The following C12orf56 variants were observed in gnomAD, a reference collection of about 807,000 sequenced individuals.
C12orf56 encodes the protein chromosome 12 open reading frame 56, also known as uncharacterized protein C12orf56.
C12orf56 carries 71 observed loss-of-function variants against 69.9 expected under a neutral mutation model. The ratio of observed to expected loss-of-function variants is 1.02; its 90% CI spans 0.84 to 1.24. The LOEUF (loss-of-function observed/expected upper bound fraction) is 1.24, where lower values mean the gene tolerates loss of function less well. Ranked by LOEUF, C12orf56 falls within the 50% of genes most tolerant of loss-of-function variation. The pLI is 0.00. For synonymous variants in C12orf56, 276 were observed against 274.1 expected, an observed-to-expected ratio of 1.01 and a Z score of -0.07; for missense variants, 732 against 738.5, an observed-to-expected ratio of 0.99 and a Z score of 0.10.
chr12:64,317,438 TTA>T (rs2038703317), intron 4 of C12orf56, among the ~76,000 whole-genome samples: 1 of 152,134 alleles, frequency 6.6e-6, no homozygotes, highest in South Asian at 2.1e-4. Context: ...GTCCCTAAAG[TTA>T]TATAATCTTG....
At chr12:64,346,983 T>A (rs1403777972) in intron 2 of C12orf56, among the ~76,000 whole-genome samples, 2 of 151,614 alleles carry the variant, frequency 1.3e-5, no homozygotes, top group East Asian at 3.9e-4. Flanking sequence ...TAGTTACATT[T>A]TTTTTTTTGA....
chr12:64,368,745 G>A (rs1004748743), intron 1 of C12orf56, among the ~76,000 whole-genome samples: 2 of 152,156 alleles, frequency 1.3e-5, no homozygotes, highest in South Asian at 2.1e-4. Flanking sequence ...ATTTGGAATG[G>A]TGGGGAAAAC....
At chr12:64,320,773 A>T (rs2038761415) in intron 3 of C12orf56, among the ~76,000 whole-genome samples, 1 of 152,198 alleles carries the variant, frequency 6.6e-6, no homozygotes, top group Non-Finnish European at 1.5e-5. Flanking sequence ...GCCCCAGCAG[A>T]ACGGACCAAA....
chr12:64,329,162 C>T (rs1308639753), intron 3 of C12orf56, among the ~76,000 whole-genome samples: 1 of 152,102 alleles, frequency 6.6e-6, no homozygotes, highest in East Asian at 1.9e-4. Context: ...TGAACTTATA[C>T]ACCAGATAAG....
chr12:64,292,960 G>A lies in C12orf56; in HGVS notation c.1114-6900C>T, dbSNP rs1268195919. Among the ~76,000 whole-genome samples, 6 of 148,106 alleles carry A rather than the reference G, an allele frequency of 4.1e-5. No homozygotes were observed. In the East Asian group the frequency reaches 1.0e-3, roughly 25 times the overall value. Reference sequence around the variant, plus strand: ...GCGCCCCTCCCCCAGCCTCGCTGCCGCCTTGCAGTTTGATCTCAGACTGCT... The same window carrying A: ...GCGCCCCTCCCCCAGCCTCGCTGCCACCTTGCAGTTTGATCTCAGACTGCT... On this transcript the variant is annotated intron_variant, in intron 6 of 12. Transcript: ENST00000543942.
rs1288127803 is a variant in C12orf56 at position 64,267,305 on chromosome 12, G to C, written c.1764-17C>G. The C allele has an allele frequency of 6.4e-7, 1 of 1,568,550 alleles. No individual in the cohort carries two copies. The highest frequency in any genetic ancestry group is 1.2e-5 in the South Asian group (1 of 86,154). ...ATAAAGTACCTGCAAATCATAAAAA[G>C]AAACAAAATAGAGAGTTTTAAAAAC... is the stretch of plus-strand genomic sequence containing the variant. On this transcript the variant is annotated splice_polypyrimidine_tract_variant and intron_variant, in intron 12 of 12. Coordinates refer to ENST00000543942, the MANE Select transcript of C12orf56 (RefSeq NM_001170633.2).
intron 8 of C12orf56, among the ~76,000 whole-genome samples, chr12:64,284,380 G>A (rs2038172278): frequency 6.6e-6 from 1 of 152,208 alleles, no homozygotes; most frequent in African/African-American, 2.4e-5. Context: ...GGCTTTTAAT[G>A]TATGATGGGT....
intron 2 of C12orf56, among the ~76,000 whole-genome samples, chr12:64,333,849 G>C (rs1168378433): frequency 6.6e-6 from 1 of 152,152 alleles, no homozygotes; most frequent in Non-Finnish European, 1.5e-5. Context: ...GGAGAATCAG[G>C]ATCATCTGTG....
At chr12:64,268,741 G>T (rs1156275604) in intron 12 of C12orf56, among the ~76,000 whole-genome samples, 1 of 152,038 alleles carries the variant, frequency 6.6e-6, no homozygotes, top group Non-Finnish European at 1.5e-5. Context: ...TTTTAAGTGA[G>T]GAGGTGCAAG....
intron 5 of C12orf56, among the ~76,000 whole-genome samples, chr12:64,308,931 AGAAAGAAAGAAG>A (rs1217985630): frequency 1.1e-4 from 6 of 52,514 alleles, no homozygotes; most frequent in African/African-American, 2.1e-4. Context: ...AAAGAAAGAA[AGAAAGAAAGAAG>A]AAAGAAAGAA....
chr12:64,331,144 T>C (rs2038925254), intron 2 of C12orf56, 112 bp from the exon 3 acceptor site: 5 of 951,946 alleles, frequency 5.3e-6, no homozygotes, highest in Non-Finnish European at 7.6e-6. Flanking sequence ...CTCACAAAAA[T>C]TGTAAGTCCA....
At chr12:64,352,843 T>C in intron 2 of C12orf56, 51 bp downstream of exon 2, 16 of 1,468,368 alleles carry the variant, frequency 1.1e-5, no homozygotes, top group Non-Finnish European at 1.4e-5. Context: ...GAAATATATA[T>C]ATATACTTTT....
chr12:64,347,187 A>C (rs1404002606), intron 2 of C12orf56, among the ~76,000 whole-genome samples: 1 of 151,892 alleles, frequency 6.6e-6, no homozygotes, highest in Non-Finnish European at 1.5e-5. Flanking sequence ...CATGTTGGCC[A>C]GTCTGGTCTT....
At chr12:64,342,395 G>A (rs976840790) in intron 2 of C12orf56, among the ~76,000 whole-genome samples, 6 of 152,118 alleles carry the variant, frequency 3.9e-5, no homozygotes, top group African/African-American at 1.4e-4. Context: ...GTCCACTTTC[G>A]GGTGGTGCCT....
chr12:64,303,777 G>A lies in C12orf56; in HGVS notation c.971C>T (p.Ser324Phe). The change falls in exon 6 of 13, where the codon TCT (serine) becomes TTT (phenylalanine). Residue 324 changes from serine to phenylalanine, a missense_variant and splice_region_variant. Coordinates refer to ENST00000543942, the MANE Select transcript of C12orf56 (RefSeq NM_001170633.2). Reference protein sequence around the residue: ...PAIGSQKPYRSEEKIKHFSQL... With the variant: ...PAIGSQKPYRFEEKIKHFSQL... ...ACTGAAGTGCTTAATTTTCTCCTCAGACCTACAGAAACAGAAGAAAATTTT... is the reference window on the plus strand; with the variant it reads ...ACTGAAGTGCTTAATTTTCTCCTCAAACCTACAGAAACAGAAGAAAATTTT... 6.3e-7 allele frequency: 1 copy of A among 1,576,504 alleles called. No individual in the cohort carries two copies. Among genetic ancestry groups the A allele is most frequent in the Non-Finnish European group, 8.6e-7 (1 of 1,167,428 alleles).
At chr12:64,380,096 C>A in intron 1 of C12orf56, among the ~76,000 whole-genome samples, 1 of 104,254 alleles carries the variant, frequency 9.6e-6, no homozygotes, top group Non-Finnish European at 1.7e-5. Flanking sequence ...CAGAGCAAGA[C>A]TCCGTCGCAA....
At chr12:64,310,677 T>G (rs1043624330) in intron 5 of C12orf56, among the ~76,000 whole-genome samples, 6 of 152,084 alleles carry the variant, frequency 3.9e-5, no homozygotes, top group Admixed American at 3.9e-4. Context: ...ATATATTCAT[T>G]ATGTTTCAGT....
Position 64,390,605 on chromosome 12 carries a change from G to A in C12orf56, c.-40C>T. 1 of 1,455,720 alleles carries A rather than the reference G, an allele frequency of 6.9e-7. No individual in the cohort carries two copies. Among genetic ancestry groups the A allele is most frequent in the Non-Finnish European group, 9.0e-7 (1 of 1,112,820 alleles). The allele number at this position is 1,455,720 out of a possible 1,614,324, so 90.2% of individuals were successfully genotyped here. A position where few individuals can be genotyped will look rare whatever the true frequency, so the allele number is the denominator to read the frequency against. ...GCGTGGCGGAGTGCTGGGACTCGAG[G>A]CCCTCAGCTCGCCCTCTCCCCGCCC... On this transcript the variant is annotated 5_prime_UTR_variant, in exon 1 of 13. Coordinates refer to ENST00000543942, the MANE Select transcript of C12orf56 (RefSeq NM_001170633.2).
intron 2 of C12orf56, among the ~76,000 whole-genome samples, chr12:64,332,595 A>C (rs2038946135): frequency 6.8e-6 from 1 of 147,330 alleles, no homozygotes; most frequent in African/African-American, 2.6e-5. Context: ...GTACAGTGTA[A>C]GACAGACGTC....
Sources: gnomAD v4.1 joint callset for allele counts (sites outside exome capture counted in the v4.1 genomes callset) on GRCh38, gnomAD v4.1.1 for gene constraint, MANE v1.5 for transcripts, NCBI Gene and HGNC (gene_info 2026-07-23, HGNC 2026-07-21) for gene names.